Variants in PARN observed in about 807,000 individuals in gnomAD.
PARN encodes poly(A)-specific ribonuclease, also known as poly(A)-specific ribonuclease PARN.
PARN carries 71 observed loss-of-function variants against 102.8 expected under a neutral mutation model. The observed-to-expected ratio is 0.69, with a 90% CI of 0.57 to 0.84. The LOEUF (loss-of-function observed/expected upper bound fraction) is 0.84, where lower values mean the gene tolerates loss of function less well. PARN is among the 40% of genes least tolerant of loss of function. The pLI is 0.00. For missense variants in PARN, 782 were observed against 760.9 expected, an observed-to-expected ratio of 1.03 and a Z score of -0.33; for synonymous variants, 261 against 252.9, an observed-to-expected ratio of 1.03 and a Z score of -0.30.
At chr16:14,624,795 T>C (rs1332248812) in intron 5 of PARN, among the ~76,000 whole-genome samples, 6 of 152,174 alleles carry the variant, frequency 3.9e-5, no homozygotes, top group African/African-American at 1.4e-4. Context: ...TGCATGCCTG[T>C]AATCCCAGCA....
At position 14,487,123 on chromosome 16, in the gene PARN, G is replaced by A. The variant is rs1048412821; in HGVS notation, c.1481-4296C>T. Among the ~76,000 whole-genome samples, 10 of 152,342 alleles carry A rather than the reference G, an allele frequency of 6.6e-5. No homozygotes were observed. In the South Asian group the frequency reaches 8.3e-4, roughly 13 times the overall value. ...GAGGATCCGAAGGCAGCATCAACGC[G>A]GTTGTCTCTTGACACTGCACACAGC... On this transcript the variant is annotated intron_variant, in intron 21 of 23. Transcript: ENST00000437198.
At chr16:14,519,670 T>C (rs1965639375) in intron 21 of PARN, among the ~76,000 whole-genome samples, 1 of 152,156 alleles carries the variant, frequency 6.6e-6, no homozygotes, top group African/African-American at 2.4e-5. Flanking sequence ...GACTAAATCA[T>C]ATTATAGATT....
intron 17 of PARN, among the ~76,000 whole-genome samples, chr16:14,581,383 T>C (rs2151749843): frequency 6.6e-6 from 1 of 152,236 alleles, no homozygotes; most frequent in African/African-American, 2.4e-5. Flanking sequence ...CCAAGTACCA[T>C]ACCACAGCAA....
intron 21 of PARN, among the ~76,000 whole-genome samples, chr16:14,492,255 C>T (rs1349641018): frequency 6.6e-6 from 1 of 152,222 alleles, no homozygotes; most frequent in African/African-American, 2.4e-5. Context: ...GACGGCATTC[C>T]TTCCTCTCTG....
At chr16:14,575,873 G>A (rs1452144748) in intron 18 of PARN, among the ~76,000 whole-genome samples, 1 of 152,272 alleles carries the variant, frequency 6.6e-6, no homozygotes, top group Non-Finnish European at 1.5e-5. Context: ...CCCGGTGGGA[G>A]GTGATACAAT....
chr16:14,443,211 T>C (rs979590619), intron 23 of PARN, among the ~76,000 whole-genome samples: 1 of 152,222 alleles, frequency 6.6e-6, no homozygotes, highest in Non-Finnish European at 1.5e-5. Context: ...TTTTTGTCAT[T>C]TTGTTATCTG....
chr16:14,533,466 A>G (rs1596598893), intron 21 of PARN, among the ~76,000 whole-genome samples: 1 of 61,876 alleles, frequency 1.6e-5, no homozygotes, highest in Non-Finnish European at 2.9e-5. Context: ...AGGGAGAGGG[A>G]GAGGGAGAGG....
chr16:14,451,463 A>G (rs751941556), intron 22 of PARN, among the ~76,000 whole-genome samples: 1 of 152,100 alleles, frequency 6.6e-6, no homozygotes, highest in African/African-American at 2.4e-5. Flanking sequence ...TAAAAAATGA[A>G]TTACTGTTAC....
At chr16:14,506,064 A>G (rs981819276) in intron 21 of PARN, among the ~76,000 whole-genome samples, 1 of 152,216 alleles carries the variant, frequency 6.6e-6, no homozygotes, top group Non-Finnish European at 1.5e-5. Context: ...ACAAACTGAT[A>G]CCATGTGCCT....
chr16:14,573,663 G>A (rs926224189), intron 18 of PARN, among the ~76,000 whole-genome samples: 5 of 152,150 alleles, frequency 3.3e-5, no homozygotes, highest in Non-Finnish European at 7.4e-5. Flanking sequence ...TGGGAGGAAC[G>A]TGATGGAAGG....
At chr16:14,492,185 G>A (rs1435525416) in intron 21 of PARN, among the ~76,000 whole-genome samples, 1 of 152,210 alleles carries the variant, frequency 6.6e-6, no homozygotes, top group East Asian at 1.9e-4. Flanking sequence ...AGAAACTAGG[G>A]CAGTGAAAGA....
chr16:14,450,168 G>A (rs1445566766), intron 22 of PARN, among the ~76,000 whole-genome samples: 2 of 152,184 alleles, frequency 1.3e-5, no homozygotes, highest in African/African-American at 4.8e-5. Flanking sequence ...AAATGATTAT[G>A]GAAAGATTTC....
chr16:14,623,908 C>G (rs1287114295), intron 5 of PARN, among the ~76,000 whole-genome samples: 1 of 151,758 alleles, frequency 6.6e-6, no homozygotes, highest in African/African-American at 2.4e-5. Flanking sequence ...TTTTCACAAC[C>G]ATATATATAA....
At chr16:14,444,436 A>G (rs1961099616) in intron 23 of PARN, among the ~76,000 whole-genome samples, 1 of 152,188 alleles carries the variant, frequency 6.6e-6, no homozygotes. Context: ...ACAGTATTAT[A>G]AATTCAAAAC....
intron 22 of PARN, among the ~76,000 whole-genome samples, chr16:14,481,437 T>A (rs1963375390): frequency 6.6e-6 from 1 of 152,210 alleles, no homozygotes; most frequent in East Asian, 1.9e-4. Context: ...GGTAAAAATT[T>A]AAAAATGGTT....
intron 21 of PARN, among the ~76,000 whole-genome samples, chr16:14,539,594 T>A (rs1010374706): frequency 2.6e-5 from 4 of 152,206 alleles, no homozygotes; most frequent in African/African-American, 9.7e-5. Flanking sequence ...AACATTTCCA[T>A]GGTGCTTTTG....
chr16:14,578,897 C>A (rs564163345), intron 18 of PARN, among the ~76,000 whole-genome samples: 1 of 152,178 alleles, frequency 6.6e-6, no homozygotes, highest in Non-Finnish European at 1.5e-5. Flanking sequence ...TAAGCCTACA[C>A]ATTTACTGTC....
At chr16:14,486,155 G>A (rs1025193645) in intron 21 of PARN, among the ~76,000 whole-genome samples, 1 of 150,468 alleles carries the variant, frequency 6.6e-6, no homozygotes, top group Non-Finnish European at 1.5e-5. Flanking sequence ...AGGGGTTCGA[G>A]ACCAGCCTGG....
chr16:14,554,331 C>T (rs1205792078), intron 19 of PARN, among the ~76,000 whole-genome samples, 180 bp from the exon 20 acceptor site: 1 of 152,182 alleles, frequency 6.6e-6, no homozygotes, highest in Non-Finnish European at 1.5e-5. Flanking sequence ...TAATCTAGAC[C>T]TCAGGTTCTG....
Sources: gnomAD v4.1 joint callset for allele counts (sites outside exome capture counted in the v4.1 genomes callset) on GRCh38, gnomAD v4.1.1 for gene constraint, MANE v1.5 for transcripts, NCBI Gene and HGNC (gene_info 2026-07-23, HGNC 2026-07-21) for gene names.